SCP2: variants seen among roughly 807,000 people sequenced by gnomAD.
SCP2 encodes the protein sterol carrier protein 2, also known as SCP-2/3-oxoacyl-CoA thiolase.
Under a neutral mutation model 71.4 loss-of-function variants are expected in SCP2, and 48 were observed. The observed-to-expected ratio is 0.67, with a 90% CI of 0.53 to 0.86. The LOEUF (loss-of-function observed/expected upper bound fraction) is 0.86, where lower values mean the gene tolerates loss of function less well. SCP2 is among the 40% of genes least tolerant of loss of function. The pLI, the probability that SCP2 is intolerant of heterozygous loss-of-function variation, is 0.00. For missense variants in SCP2, 560 were observed against 655.6 expected, an observed-to-expected ratio of 0.85 and a Z score of 1.59; for synonymous variants, 220 against 218.1, an observed-to-expected ratio of 1.01 and a Z score of -0.08.
chr1:52,999,866 G>A (rs1660196128), intron 11 of SCP2, among the ~76,000 whole-genome samples: 1 of 141,638 alleles, frequency 7.1e-6, no homozygotes, highest in South Asian at 2.2e-4. Context: ...GCCCAGGCTG[G>A]AGTACAGTGG....
At chr1:52,965,024 C>T (rs1304814007) in intron 6 of SCP2, among the ~76,000 whole-genome samples, 1 of 151,980 alleles carries the variant, frequency 6.6e-6, no homozygotes, top group Non-Finnish European at 1.5e-5. Flanking sequence ...AACAAACAAA[C>T]AAACAAACAA....
intron 1 of SCP2, among the ~76,000 whole-genome samples, chr1:52,931,169 A>C (rs148991276): frequency 7.9e-4 from 120 of 152,320 alleles, no homozygotes; most frequent in African/African-American, 2.7e-3. Context: ...TAGCTGAGAT[A>C]TATCGGAAGA....
At chr1:52,971,635 C>T (rs1657503896) in intron 6 of SCP2, among the ~76,000 whole-genome samples, 1 of 152,166 alleles carries the variant, frequency 6.6e-6, no homozygotes, top group Non-Finnish European at 1.5e-5. Context: ...TGGAACAGCC[C>T]TATAGAAATA....
intron 12 of SCP2, among the ~76,000 whole-genome samples, chr1:53,021,586 C>T (rs915059132): frequency 4.7e-4 from 71 of 151,706 alleles, no homozygotes; most frequent in African/African-American, 1.6e-3. Context: ...TCCCAAAGTG[C>T]TGGGATTACA....
chr1:53,027,435 C>G (rs1254217652), intron 12 of SCP2, among the ~76,000 whole-genome samples: 1 of 152,172 alleles, frequency 6.6e-6, no homozygotes, highest in Non-Finnish European at 1.5e-5. Context: ...CTTTGGTTTA[C>G]TGTATTTTCA....
intron 6 of SCP2, among the ~76,000 whole-genome samples, chr1:52,961,994 C>G (rs945445438): frequency 6.6e-6 from 1 of 152,134 alleles, no homozygotes; most frequent in Admixed American, 6.5e-5. Flanking sequence ...TTCCATCTCC[C>G]AGGCTCAAGC....
intron 11 of SCP2, among the ~76,000 whole-genome samples, chr1:53,007,215 C>A (rs534549086): frequency 1.8e-4 from 27 of 151,904 alleles, no homozygotes; most frequent in African/African-American, 5.8e-4. Flanking sequence ...AACATTAGAT[C>A]AACGAGAGAG....
chr1:52,927,723 CTT>C (rs1652594331), intron 1 of SCP2, among the ~76,000 whole-genome samples: 2 of 152,316 alleles, frequency 1.3e-5, no homozygotes, highest in South Asian at 4.1e-4. Flanking sequence ...GATCTCACCT[CTT>C]TAGATTCTGA....
Position 52,943,858 on chromosome 1 carries a change from A to G in SCP2, c.127+2005A>G, listed in dbSNP as rs554125521. ...CAGTAGAGGGCACACTCTTGCGAGC[A>G]GCTTTTATAGCCAGTTGCTTCCTGG... On this transcript the variant is annotated intron_variant, in intron 2 of 15. Transcript: ENST00000371514. 4.9e-5 allele frequency: 22 copies of G among 447,518 alleles called. 1 individual carries two copies. The East Asian group carries it at 1.3e-3, about 27-fold the overall frequency. The allele number at this position is 447,518 out of a possible 1,614,324, so 27.7% of individuals were successfully genotyped here.
At chr1:52,982,751 T>C (rs1199438691) in intron 10 of SCP2, among the ~76,000 whole-genome samples, 1 of 152,156 alleles carries the variant, frequency 6.6e-6, no homozygotes, top group African/African-American at 2.4e-5. Flanking sequence ...CCTTATGTTA[T>C]AATTGTCATA....
chr1:52,958,286 G>A (rs577530758), intron 5 of SCP2, among the ~76,000 whole-genome samples: 61 of 150,094 alleles, frequency 4.1e-4, no homozygotes, highest in African/African-American at 1.3e-3. Context: ...AGTGGAGTGC[G>A]GTGGCACAAT....
chr1:52,927,564 G>T (rs144609947), intron 1 of SCP2, 99 bp downstream of exon 1: 2 of 899,132 alleles, frequency 2.2e-6, no homozygotes, highest in African/African-American at 1.6e-5. Context: ...ACTGCTCCGC[G>T]CGTGGGTCAT....
intron 1 of SCP2, among the ~76,000 whole-genome samples, chr1:52,931,662 G>C (rs948956079): frequency 3.9e-5 from 6 of 152,178 alleles, no homozygotes; most frequent in Admixed American, 2.0e-4. Flanking sequence ...TCATCTTGTG[G>C]TGAAGATCAG....
intron 11 of SCP2, 38 bp downstream of exon 11, chr1:52,988,174 T>A: frequency 9.3e-7 from 1 of 1,075,752 alleles, no homozygotes; most frequent in Non-Finnish European, 1.4e-6. Flanking sequence ...TTTAAAATCA[T>A]TTTTTCCTTA....
chr1:53,046,924 G>T (rs1286503117), intron 14 of SCP2, among the ~76,000 whole-genome samples: 1 of 152,312 alleles, frequency 6.6e-6, no homozygotes, highest in Non-Finnish European at 1.5e-5. Context: ...ACATTTATTA[G>T]CCCACAGTTT....
At chr1:53,011,066 A>C (rs911407620) in intron 11 of SCP2, among the ~76,000 whole-genome samples, 2 of 152,216 alleles carry the variant, frequency 1.3e-5, no homozygotes, top group South Asian at 4.1e-4. Context: ...GCTCTATTAT[A>C]AATATACATT....
At chr1:53,018,012 G>A (rs907217544) in intron 12 of SCP2, among the ~76,000 whole-genome samples, 22 of 151,982 alleles carry the variant, frequency 1.4e-4, no homozygotes, top group African/African-American at 5.1e-4. Flanking sequence ...TCACTACCAC[G>A]CCCGGCTTAT....
intron 10 of SCP2, 41 bp from the exon 11 acceptor site, chr1:52,987,988 G>T: frequency 1.0e-6 from 1 of 996,882 alleles, no homozygotes; most frequent in Non-Finnish European, 1.6e-6. Flanking sequence ...TTGTTCTATT[G>T]TTACTATTAA....
chr1:53,047,420 T>C (rs1282807158), intron 14 of SCP2, among the ~76,000 whole-genome samples: 1 of 152,262 alleles, frequency 6.6e-6, no homozygotes, highest in East Asian at 1.9e-4. Flanking sequence ...CAGTTACTAT[T>C]AGTAATATAT....
Sources: allele counts gnomAD v4.1 joint callset (sites outside exome capture counted in the v4.1 genomes callset), GRCh38; gene constraint gnomAD v4.1.1; transcripts MANE v1.5; gene names NCBI Gene and HGNC (gene_info 2026-07-23, HGNC 2026-07-21).